JARID2: variants seen among roughly 807,000 people sequenced by gnomAD.
The protein encoded by JARID2 is protein Jumonji.
In JARID2, 21 loss-of-function variants were observed where a neutral mutation model predicts 125.6. The ratio of observed to expected loss-of-function variants is 0.17; its 90% CI spans 0.12 to 0.24. The LOEUF (loss-of-function observed/expected upper bound fraction) is 0.24. Ranked by LOEUF, JARID2 falls within the 10% of genes least tolerant of loss-of-function variation. JARID2 has a pLI of 1.00. For missense variants in JARID2, 1,303 were observed against 1,639.6 expected, an observed-to-expected ratio of 0.79 and a Z score of 3.55; for synonymous variants, 736 against 661.6, an observed-to-expected ratio of 1.11 and a Z score of -1.73.
At chr6:15,344,104 ATTTTTTTTTTTT>A (rs58867061) in intron 1 of JARID2, among the ~76,000 whole-genome samples, 9 of 89,196 alleles carry the variant, frequency 1.0e-4, no homozygotes, top group South Asian at 1.0e-3. Flanking sequence ...GTATGTAGTG[ATTTTTTTTTTTT>A]TTTTTTTTTT....
chr6:15,247,784 C>T, intron 1 of JARID2: 1 of 985,286 alleles, frequency 1.0e-6, no homozygotes, highest in Non-Finnish European at 1.2e-6. Flanking sequence ...GAAAGAAATG[C>T]AAGGTTAAAT....
chr6:15,330,204 TTGTC>T (rs1277266001), intron 1 of JARID2, among the ~76,000 whole-genome samples: 3 of 152,236 alleles, frequency 2.0e-5, no homozygotes, highest in Admixed American at 1.3e-4. Flanking sequence ...AAACGAGTCT[TTGTC>T]TGCTTTTTCA....
chr6:15,370,316 G>A (rs1242822048), intron 1 of JARID2, among the ~76,000 whole-genome samples: 3 of 145,394 alleles, frequency 2.1e-5, no homozygotes, highest in Non-Finnish European at 4.5e-5. Flanking sequence ...TAATGATAGA[G>A]TTGTATCTGG....
intron 4 of JARID2, among the ~76,000 whole-genome samples, chr6:15,463,247 C>T (rs114187566): frequency 6.6e-6 from 1 of 152,104 alleles, no homozygotes; most frequent in African/African-American, 2.4e-5. Flanking sequence ...CTAAAACATA[C>T]AGCTTTTGTT....
intron 3 of JARID2, among the ~76,000 whole-genome samples, chr6:15,447,215 A>G (rs923542831): frequency 4.6e-5 from 7 of 152,166 alleles, no homozygotes; most frequent in African/African-American, 1.7e-4. Context: ...TCCTCTGAAT[A>G]TATCAACATA....
chr6:15,406,854 AT>A, intron 2 of JARID2, among the ~76,000 whole-genome samples: 1 of 152,068 alleles, frequency 6.6e-6, no homozygotes, highest in East Asian at 1.9e-4. Flanking sequence ...AGACATGCAC[AT>A]TTTTTCCAAC....
At chr6:15,263,117 T>TGG (rs1554116611) in intron 1 of JARID2, among the ~76,000 whole-genome samples, 4 of 137,510 alleles carry the variant, frequency 2.9e-5, no homozygotes, top group African/African-American at 5.5e-5. Flanking sequence ...TGTGTGTGTG[T>TGG]GGTAGGGGTC....
intron 7 of JARID2, among the ~76,000 whole-genome samples, chr6:15,500,108 G>T (rs759653467): frequency 6.6e-6 from 1 of 152,130 alleles, no homozygotes; most frequent in Non-Finnish European, 1.5e-5. Context: ...TTGGCCCGAG[G>T]GAGGTTGCTT....
chr6:15,511,202 T>C, intron 12 of JARID2, 94 bp from the exon 13 acceptor site: 1 of 878,330 alleles, frequency 1.1e-6, no homozygotes. Context: ...GCCTCTCGTG[T>C]GCTCGGGTCC....
Position 15,246,463 on chromosome 6 carries a change from AT to A in JARID2, c.-70del, listed in dbSNP as rs917085002. 11 of 1,274,858 alleles carry A rather than the reference AT, an allele frequency of 8.6e-6. No homozygotes were observed. The highest frequency in any genetic ancestry group is 2.4e-5 in the South Asian group (2 of 82,164). The allele number at this position is 1,274,858 out of a possible 1,614,324, so 79.0% of individuals were successfully genotyped here. A position where few individuals can be genotyped will look rare whatever the true frequency, so the allele number is the denominator to read the frequency against. On this transcript the variant is annotated 5_prime_UTR_variant, in exon 1 of 18. Coordinates refer to ENST00000341776, the MANE Select transcript of JARID2 (RefSeq NM_004973.4). ...CAACAACAATAAAAACCACCAGGAT[AT>A]TTTTTTGCAAATTTCTGACGGCTTT...
chr6:15,513,777 C>A (rs76252167), intron 16 of JARID2, among the ~76,000 whole-genome samples: 1 of 152,258 alleles, frequency 6.6e-6, no homozygotes, highest in Non-Finnish European at 1.5e-5. Flanking sequence ...CAGTGAGGGG[C>A]GGGTTTCCAG....
chr6:15,345,262 G>A (rs929789363), intron 1 of JARID2, among the ~76,000 whole-genome samples: 3 of 152,176 alleles, frequency 2.0e-5, no homozygotes, highest in Non-Finnish European at 4.4e-5. Flanking sequence ...GTTTAATATT[G>A]TTAAGCAGGG....
At chr6:15,246,679 A>C (rs1759193104) in intron 1 of JARID2, 95 bp downstream of exon 1, 1 of 1,092,506 alleles carries the variant, frequency 9.2e-7, no homozygotes, top group African/African-American at 1.6e-5. Flanking sequence ...GAAGGGTTTT[A>C]AACACAGCGT....
intron 1 of JARID2, among the ~76,000 whole-genome samples, chr6:15,283,376 T>C (rs1382748766): frequency 6.7e-6 from 1 of 148,422 alleles, no homozygotes; most frequent in East Asian, 2.0e-4. Flanking sequence ...AGTCTCACTC[T>C]GTGGCTCAGG....
chr6:15,449,971 A>G (rs1767846057), intron 3 of JARID2, among the ~76,000 whole-genome samples: 1 of 152,130 alleles, frequency 6.6e-6, no homozygotes, highest in Admixed American at 6.5e-5. Flanking sequence ...GTTAAATTTA[A>G]AGGTATTAGT....
chr6:15,289,403 T>TA lies in JARID2; in HGVS notation c.45+42820dup, dbSNP rs1359980836. 2.2e-3 allele frequency among the ~76,000 whole-genome samples: 323 copies of TA among 149,472 alleles called. 3 individuals are homozygous for TA. Among genetic ancestry groups the TA allele is most frequent in the African/African-American group, 7.6e-3 (315 of 41,360 alleles). The stretch of plus-strand genomic sequence containing the variant: ...TTCTATTTTTTAAATCGTTTGTTAC[T>TA]ATTATATTAAAATAGAGACAGGTCT... On this transcript the variant is annotated intron_variant, in intron 1 of 17. Coordinates refer to ENST00000341776, the MANE Select transcript of JARID2 (RefSeq NM_004973.4).
At chr6:15,388,511 A>T (rs925426243) in intron 2 of JARID2, among the ~76,000 whole-genome samples, 9 of 151,634 alleles carry the variant, frequency 5.9e-5, no homozygotes, top group Admixed American at 5.9e-4. Context: ...AAGGATGATA[A>T]AAACAGTACA....
intron 16 of JARID2, 24 bp from the exon 17 acceptor site, chr6:15,517,137 C>T (rs749559174): frequency 5.5e-5 from 87 of 1,577,150 alleles, no homozygotes; most frequent in South Asian, 1.1e-4. Context: ...TCCTGACCTT[C>T]GGGTGTCCTG....
rs1771103141 is a variant in JARID2 at position 15,508,214 on chromosome 6, G to T, written c.2732-126G>T. On this transcript the variant is annotated intron_variant, in intron 11 of 17. Coordinates refer to ENST00000341776, the MANE Select transcript of JARID2 (RefSeq NM_004973.4). Reference sequence around the variant, plus strand: ...AGGTACCTTCTGCTCACTGTCTTTTGTCTGGCTTTGAGTCCCATTTCTTTT... The same window carrying T: ...AGGTACCTTCTGCTCACTGTCTTTTTTCTGGCTTTGAGTCCCATTTCTTTT... The T allele has an allele frequency of 4.7e-6, 3 of 639,894 alleles. No individual in the cohort carries two copies. In the African/African-American group the frequency reaches 5.5e-5, roughly 12 times the overall value. The allele number at this position is 639,894 out of a possible 1,614,324, so 39.6% of individuals were successfully genotyped here. A position where few individuals can be genotyped will look rare whatever the true frequency, so the allele number is the denominator to read the frequency against.
Sources: allele counts gnomAD v4.1 joint callset (sites outside exome capture counted in the v4.1 genomes callset), GRCh38; gene constraint gnomAD v4.1.1; transcripts MANE v1.5; gene names NCBI Gene and HGNC (gene_info 2026-07-23, HGNC 2026-07-21).